SNRNP40: variants seen among roughly 807,000 people sequenced by gnomAD.
SNRNP40 encodes U5 small nuclear ribonucleoprotein 40 kDa protein.
SNRNP40 carries 21 observed loss-of-function variants against 45.8 expected under a neutral mutation model. That is an observed-to-expected ratio of 0.46 (90% confidence interval 0.32 to 0.66). The LOEUF (loss-of-function observed/expected upper bound fraction) is 0.66, where lower values mean the gene tolerates loss of function less well. Among genes scored for constraint, SNRNP40 ranks in the 30% least tolerant of loss-of-function variants. The pLI, the probability that SNRNP40 is intolerant of heterozygous loss-of-function variation, is 0.03. For missense variants in SNRNP40, 344 were observed against 439.1 expected, an observed-to-expected ratio of 0.78 and a Z score of 1.94; for synonymous variants, 142 against 163.8, an observed-to-expected ratio of 0.87 and a Z score of 1.01.
chr1:31,271,920 C>CCACT (rs1420432776), intron 5 of SNRNP40, among the ~76,000 whole-genome samples: 3 of 152,204 alleles, frequency 2.0e-5, no homozygotes, highest in African/African-American at 7.2e-5. Context: ...CACGCATGAG[C>CCACT]CACTATGCCT....
chr1:31,291,269 C>T (rs1030938453), intron 3 of SNRNP40, among the ~76,000 whole-genome samples: 3 of 95,766 alleles, frequency 3.1e-5, no homozygotes, highest in African/African-American at 1.1e-4. Context: ...GCCTGGGCAA[C>T]AAGAGTGAAA....
chr1:31,260,717 G>A (rs548623076), intron 9 of SNRNP40, among the ~76,000 whole-genome samples: 1 of 151,034 alleles, frequency 6.6e-6, no homozygotes, highest in South Asian at 2.1e-4. Flanking sequence ...CAAAAATTAG[G>A]CAGGTGTGGT....
rs1481779280 is a variant in SNRNP40 at position 31,296,649 on chromosome 1, C to G, written c.103G>C (p.Gly35Arg). 5.6e-6 allele frequency: 9 copies of G among 1,613,182 alleles called. No homozygotes were observed. Among genetic ancestry groups the G allele is most frequent in the Non-Finnish European group, 7.6e-6 (9 of 1,179,694 alleles). ...GCTCCCGGCGTCGCCTGCTGCTGCC[C>G]GGCTCCTGGGCCAGACCCCGCTCCC... ...LLGAGSGPGA[G>R]QQQATPGALL... The change falls in exon 1 of 10, where the codon GGG (glycine) becomes CGG (arginine). Residue 35 changes from glycine to arginine, a missense_variant. Gly to Arg is a moderately radical substitution (Grantham distance 125). Around this residue, in one of 2 missense-constraint regions of SNRNP40, gnomAD observed 90 missense variants for 58.9 expected, o/e 1.53. Coordinates refer to ENST00000263694, the MANE Select transcript of SNRNP40 (RefSeq NM_004814.3).
Position 31,296,634 on chromosome 1 carries a change from T to C in SNRNP40, c.118A>G (p.Thr40Ala). ...ACCGCTTGCAGCAAGGCTCCCGGCG[T>C]CGCCTGCTGCTGCCCGGCTCCTGGG... ...SGPGAGQQQA[T>A]PGALLQAGPP... is the part of the protein sequence containing the mutation. The change falls in exon 1 of 10, where the codon ACG becomes GCG. Residue 40 changes from threonine (T) to alanine (A), a missense_variant. Physicochemically the swap from Thr to Ala is moderately conservative, Grantham distance 58. Transcript: ENST00000263694. 6.2e-7 allele frequency: 1 copy of C among 1,612,444 alleles called. No individual in the cohort carries two copies. The highest frequency in any genetic ancestry group is 8.5e-7 in the Non-Finnish European group (1 of 1,179,376).
intron 5 of SNRNP40, among the ~76,000 whole-genome samples, chr1:31,277,172 C>T (rs111758762): frequency 0.011 from 1,736 of 152,034 alleles, 15 homozygotes; most frequent in Non-Finnish European, 0.014. Context: ...ACTCCAGCCT[C>T]GGCAGAGCGA....
chr1:31,287,022 T>C (rs1053371409), intron 4 of SNRNP40, among the ~76,000 whole-genome samples: 3 of 152,244 alleles, frequency 2.0e-5, no homozygotes, highest in African/African-American at 7.2e-5. Flanking sequence ...ACGATCTGTA[T>C]GAATAATGCC....
intron 5 of SNRNP40, among the ~76,000 whole-genome samples, chr1:31,280,775 T>TC (rs1646011538): frequency 6.6e-6 from 1 of 151,878 alleles, no homozygotes; most frequent in South Asian, 2.1e-4. Flanking sequence ...CTGTTTTTTT[T>TC]TTTTTTTATC....
intron 3 of SNRNP40, among the ~76,000 whole-genome samples, chr1:31,290,151 G>A (rs1406743928): frequency 1.3e-5 from 2 of 152,098 alleles, no homozygotes; most frequent in Non-Finnish European, 2.9e-5. Flanking sequence ...AAGCAACCAC[G>A]CCCAGCCTCT....
At chr1:31,281,632 G>A (rs1646017244) in intron 4 of SNRNP40, 136 bp from the exon 5 acceptor site, 1 of 675,402 alleles carries the variant, frequency 1.5e-6, no homozygotes, top group Non-Finnish European at 2.2e-6. Flanking sequence ...CTAACTCCTG[G>A]ATATCCTAAT....
intron 4 of SNRNP40, among the ~76,000 whole-genome samples, chr1:31,286,962 G>C (rs968152026): frequency 6.6e-6 from 1 of 152,186 alleles, no homozygotes; most frequent in Non-Finnish European, 1.5e-5. Flanking sequence ...CATACACGCA[G>C]TATTTCACTT....
At chr1:31,291,843 A>G (rs1210042822) in intron 3 of SNRNP40, 70 bp downstream of exon 3, 2 of 1,092,534 alleles carry the variant, frequency 1.8e-6, no homozygotes, top group Admixed American at 1.8e-5. Flanking sequence ...TCTCCTGAGA[A>G]AGGATGAAAG....
intron 1 of SNRNP40, 118 bp from the exon 2 acceptor site, chr1:31,293,466 G>T: frequency 9.8e-7 from 1 of 1,016,784 alleles, no homozygotes. Flanking sequence ...GGTTTCATCT[G>T]ACTTACAGAA....
At chr1:31,289,644 C>T (rs905198773) in intron 3 of SNRNP40, among the ~76,000 whole-genome samples, 2 of 152,102 alleles carry the variant, frequency 1.3e-5, no homozygotes, top group African/African-American at 4.8e-5. Flanking sequence ...TTAAAAAATT[C>T]CCCTTCTTTG....
intron 4 of SNRNP40, among the ~76,000 whole-genome samples, chr1:31,283,567 C>T (rs1233467983): frequency 6.6e-6 from 1 of 152,196 alleles, no homozygotes; most frequent in African/African-American, 2.4e-5. Flanking sequence ...CGCACTACTG[C>T]ACTCCAGCCT....
chr1:31,262,532 AAAAAAAAAAAAAGAG>A (rs1645866039), intron 8 of SNRNP40, among the ~76,000 whole-genome samples: 1 of 99,816 alleles, frequency 1.0e-5, no homozygotes, highest in Non-Finnish European at 2.6e-5. Flanking sequence ...AAAAAAAAAA[AAAAAAAAAAAAAGAG>A]GAGAAAAAAG....
In SNRNP40 at chr1:31,281,406, T is replaced by C; in HGVS notation, c.622A>G (p.Ile208Val). 3 of 1,605,326 alleles carry C rather than the reference T, an allele frequency of 1.9e-6. No individual in the cohort carries two copies. Among genetic ancestry groups the C allele is most frequent in the South Asian group, 1.1e-5 (1 of 90,648 alleles). ...TCATTGTCTATTCCACCAGAAATAA[T>C]CTGATCACTTGTGTCATTGAAGGTC... is the stretch of plus-strand genomic sequence containing the variant. The part of the protein sequence containing the change: ...AVTFNDTSDQ[I>V]ISGGIDNDIK... The change falls in exon 5 of 10, where the codon ATT (isoleucine) becomes GTT (valine). Residue 208 changes from isoleucine (I) to valine (V), a missense_variant. Ile to Val is a conservative substitution (Grantham distance 29, BLOSUM62 3). Transcript: ENST00000263694.
chr1:31,291,853 G>A, intron 3 of SNRNP40, 60 bp downstream of exon 3: 1 of 1,184,798 alleles, frequency 8.4e-7, no homozygotes, highest in Non-Finnish European at 1.2e-6. Flanking sequence ...AAGGATGAAA[G>A]GTGAAAGGAC....
At position 31,261,336 on chromosome 1, in the gene SNRNP40, G is replaced by A. The variant is rs527885964; in HGVS notation, c.1024+193C>T. Reference sequence around the variant, plus strand: ...ATTGCTCCAACCTGGGCAAAACAGCGAGACACTGTCTCAAAAACAAAACAA... The same window carrying A: ...ATTGCTCCAACCTGGGCAAAACAGCAAGACACTGTCTCAAAAACAAAACAA... On this transcript the variant is annotated intron_variant, in intron 9 of 9. Coordinates refer to ENST00000263694, the MANE Select transcript of SNRNP40 (RefSeq NM_004814.3). Among the ~76,000 whole-genome samples the A allele has an allele frequency of 7.4e-4, 112 of 152,178 alleles. 1 individual carries two copies. Among genetic ancestry groups the A allele is most frequent in the African/African-American group, 1.8e-3 (75 of 41,526 alleles).
At chr1:31,261,188 A>C (rs964995354) in intron 9 of SNRNP40, 4 of 77,468 alleles carry the variant, frequency 5.2e-5, no homozygotes, top group African/African-American at 1.6e-4. Flanking sequence ...TAAAAATACA[A>C]AAAAAAAAAA....
Sources: gnomAD v4.1 joint callset for allele counts (sites outside exome capture counted in the v4.1 genomes callset) on GRCh38, gnomAD v4.1.1 for gene constraint, gnomAD v4.1.1 regional missense constraint, MANE v1.5 for transcripts, NCBI Gene and HGNC (gene_info 2026-07-23, HGNC 2026-07-21) for gene names.